ADAMTS17: variants seen among roughly 807,000 people sequenced by gnomAD.
The protein encoded by ADAMTS17 is ADAM metallopeptidase with thrombospondin type 1 motif 17, also known as A disintegrin and metalloproteinase with thrombospondin motifs 17.
ADAMTS17 carries 113 observed loss-of-function variants against 141.5 expected under a neutral mutation model. The observed-to-expected ratio is 0.80, with a 90% CI of 0.69 to 0.93. The LOEUF (loss-of-function observed/expected upper bound fraction) is 0.93. Ranked by LOEUF, ADAMTS17 falls within the 40% of genes least tolerant of loss-of-function variation. The pLI, the probability that ADAMTS17 is intolerant of heterozygous loss-of-function variation, is 0.00. For missense variants in ADAMTS17, 1,659 were observed against 1,517.9 expected, an observed-to-expected ratio of 1.09 and a Z score of -1.54; for synonymous variants, 768 against 630.6, an observed-to-expected ratio of 1.22 and a Z score of -3.27.
intron 3 of ADAMTS17, among the ~76,000 whole-genome samples, chr15:100,296,410 CTCTT>C (rs138038341): frequency 0.022 from 3,377 of 152,248 alleles, 138 homozygotes; most frequent in African/African-American, 0.076. Flanking sequence ...TAATGGCCTT[CTCTT>C]TCTTTTTTTT....
chr15:100,064,494 G>A (rs2033374154), intron 15 of ADAMTS17, among the ~76,000 whole-genome samples: 1 of 152,148 alleles, frequency 6.6e-6, no homozygotes, highest in Admixed American at 6.5e-5. Context: ...CTGCTGGAGG[G>A]CCTTTTGCTC....
intron 15 of ADAMTS17, among the ~76,000 whole-genome samples, chr15:100,083,095 G>A (rs944656677): frequency 1.3e-5 from 2 of 152,222 alleles, no homozygotes; most frequent in African/African-American, 4.8e-5. Flanking sequence ...GTGTGACCAT[G>A]TGACTTGAAG....
chr15:100,083,714 G>A (rs1315239043), intron 15 of ADAMTS17, among the ~76,000 whole-genome samples: 1 of 150,074 alleles, frequency 6.7e-6, no homozygotes, highest in Non-Finnish European at 1.5e-5. Context: ...GTGCCTTATT[G>A]TTGTGCCCTG....
At chr15:100,151,093 T>C (rs891981909) in intron 10 of ADAMTS17, among the ~76,000 whole-genome samples, 6 of 152,048 alleles carry the variant, frequency 3.9e-5, no homozygotes, top group Non-Finnish European at 8.8e-5. Context: ...GCTCATCACA[T>C]CTCCCCATGG....
intron 15 of ADAMTS17, among the ~76,000 whole-genome samples, chr15:100,073,378 A>G (rs1450142556): frequency 6.6e-6 from 1 of 152,206 alleles, no homozygotes; most frequent in Non-Finnish European, 1.5e-5. Flanking sequence ...ATCTTGAACT[A>G]GAAATACCAT....
chr15:100,020,959 C>T (rs776222218), intron 18 of ADAMTS17, among the ~76,000 whole-genome samples: 11 of 152,188 alleles, frequency 7.2e-5, no homozygotes, highest in Non-Finnish European at 7.4e-5. Flanking sequence ...CTGGGAGCTT[C>T]GCTGTTCTCC....
chr15:100,014,793 T>C (rs2061255494), intron 18 of ADAMTS17, among the ~76,000 whole-genome samples: 1 of 152,198 alleles, frequency 6.6e-6, no homozygotes. Context: ...ACGGTCTATC[T>C]TGGAGAAAGT....
chr15:100,028,678 T>C (rs188202524), intron 18 of ADAMTS17, among the ~76,000 whole-genome samples: 190 of 152,372 alleles, frequency 1.2e-3, no homozygotes, highest in Non-Finnish European at 1.8e-3. Flanking sequence ...AGTGGCCTGC[T>C]GCAGGTCCCC....
Position 99,976,047 on chromosome 15 carries a change from A to G in ADAMTS17, c.3125T>C (p.Leu1042Pro). 6.5e-7 allele frequency: 1 copy of G among 1,550,038 alleles called. No homozygotes were observed. Among genetic ancestry groups the G allele is most frequent in the Non-Finnish European group, 8.7e-7 (1 of 1,145,982 alleles). The change falls in exon 21 of 22, where the codon CTT (leucine) becomes CCT (proline). Residue 1042 changes from leucine to proline, a missense_variant and splice_region_variant. Transcript: ENST00000268070. ...CCGGGGCCAGTGAAGACACTCACCA[A>G]GGCGGGGGGAGGTGATGGTGTTGGC... Reference protein sequence around the residue: ...INANTITSPRLAALTYKCTRD... With the variant: ...INANTITSPRPAALTYKCTRD...
At chr15:100,060,238 C>T (rs948347565) in intron 15 of ADAMTS17, among the ~76,000 whole-genome samples, 3 of 152,256 alleles carry the variant, frequency 2.0e-5, no homozygotes, top group African/African-American at 7.2e-5. Context: ...ACTATGCTCA[C>T]TTTTGTGGGT....
intron 15 of ADAMTS17, among the ~76,000 whole-genome samples, chr15:100,072,210 G>T (rs1177545085): frequency 1.3e-5 from 2 of 148,216 alleles, no homozygotes; most frequent in African/African-American, 5.0e-5. Flanking sequence ...GGATGTGAAG[G>T]ACCTCTTCAA....
In ADAMTS17 at chr15:99,971,496, T is replaced by C. The variant is rs2060201834; in HGVS notation, c.*2906A>G. ...CTTGCTTCCAATGAAATGATTAATTTTTCTATATAATTTTCATGTATAATG... is the reference window on the plus strand; with the variant it reads ...CTTGCTTCCAATGAAATGATTAATTCTTCTATATAATTTTCATGTATAATG... On this transcript the variant is annotated 3_prime_UTR_variant, in exon 22 of 22. Transcript: ENST00000268070. 6.6e-6 allele frequency: 1 copy of C among 152,244 alleles called. No individual in the cohort carries two copies. Among genetic ancestry groups the C allele is most frequent in the Non-Finnish European group, 1.5e-5 (1 of 68,046 alleles). The allele number at this position is 152,244 out of a possible 1,614,324, so 9.4% of individuals were successfully genotyped here. A position where few individuals can be genotyped will look rare whatever the true frequency, so the allele number is the denominator to read the frequency against.
chr15:100,000,583 G>A (rs143969929), intron 18 of ADAMTS17, among the ~76,000 whole-genome samples: 155 of 152,246 alleles, frequency 1.0e-3, no homozygotes, highest in African/African-American at 3.3e-3. Context: ...GCACGATCTC[G>A]GCTCATTGCA....
At chr15:100,330,394 G>A (rs1359426083) in intron 3 of ADAMTS17, among the ~76,000 whole-genome samples, 2 of 152,176 alleles carry the variant, frequency 1.3e-5, no homozygotes, top group African/African-American at 4.8e-5. Flanking sequence ...CACAGCTCTG[G>A]CCTGAAAATG....
chr15:100,257,189 G>A (rs2043355693), intron 6 of ADAMTS17: 1 of 152,264 alleles, frequency 6.6e-6, no homozygotes, highest in Admixed American at 6.5e-5. Flanking sequence ...CCTCAGCTCG[G>A]GTTACGGTGG....
intron 20 of ADAMTS17, chr15:99,980,274 T>C (rs1241393107): frequency 2.6e-5 from 4 of 152,218 alleles, no homozygotes; most frequent in African/African-American, 4.8e-5. Flanking sequence ...TTAGCTGAGA[T>C]TGCACCACTG....
At chr15:100,292,432 G>C (rs969691785) in intron 3 of ADAMTS17, among the ~76,000 whole-genome samples, 4 of 138,958 alleles carry the variant, frequency 2.9e-5, no homozygotes, top group African/African-American at 1.1e-4. Context: ...CACTCACCCC[G>C]TGTTAGAGAC....
chr15:100,185,790 T>A (rs2040693588), intron 8 of ADAMTS17, among the ~76,000 whole-genome samples: 1 of 152,170 alleles, frequency 6.6e-6, no homozygotes, highest in Non-Finnish European at 1.5e-5. Context: ...CATCATCCCC[T>A]TCCCTTGCCT....
At chr15:99,984,783 G>A (rs576483042) in intron 20 of ADAMTS17, among the ~76,000 whole-genome samples, 2 of 152,322 alleles carry the variant, frequency 1.3e-5, no homozygotes, top group South Asian at 4.1e-4. Context: ...ACTCCTTAGG[G>A]ATGATGTCTT....
Sources: gnomAD v4.1 joint callset for allele counts (sites outside exome capture counted in the v4.1 genomes callset) on GRCh38, gnomAD v4.1.1 for gene constraint, MANE v1.5 for transcripts, NCBI Gene and HGNC (gene_info 2026-07-23, HGNC 2026-07-21) for gene names.